The following SBF2 variants were observed in gnomAD, a reference collection of about 807,000 sequenced individuals.
SBF2 encodes the protein myotubularin-related protein 13.
SBF2 carries 112 observed loss-of-function variants against 225.2 expected under a neutral mutation model. That is an observed-to-expected ratio of 0.50 (90% confidence interval 0.43 to 0.58). SBF2 has a LOEUF of 0.58. Among genes scored for constraint, SBF2 ranks in the 20% least tolerant of loss-of-function variants. The pLI is 0.00. For synonymous variants in SBF2, 763 were observed against 773.3 expected (o/e 0.99, Z 0.22); for missense variants, 1,996 against 2,206.2 (o/e 0.90, Z 1.91).
At chr11:10,039,050 A>C (rs73410839) in intron 3 of SBF2, among the ~76,000 whole-genome samples, 1,637 of 151,994 alleles carry the variant, frequency 0.011, 32 homozygotes, top group African/African-American at 0.037. Context: ...AGTTTTGCTT[A>C]TGATTACTGA....
At chr11:10,052,438 G>A (rs76140751) in intron 2 of SBF2, among the ~76,000 whole-genome samples, 2,957 of 152,284 alleles carry the variant, frequency 0.019, 95 homozygotes, top group African/African-American at 0.067. Flanking sequence ...AACAGGCAAT[G>A]TGGGAATCCT....
At chr11:10,169,117 T>C (rs1404024388) in intron 2 of SBF2, among the ~76,000 whole-genome samples, 1 of 152,220 alleles carries the variant, frequency 6.6e-6, no homozygotes, top group African/African-American at 2.4e-5. Flanking sequence ...GATATGCATA[T>C]AATGCATAAT....
intron 16 of SBF2, among the ~76,000 whole-genome samples, chr11:9,932,542 A>G (rs917775456): frequency 1.3e-5 from 2 of 152,146 alleles, no homozygotes; most frequent in African/African-American, 2.4e-5. Context: ...AGCTTCATAA[A>G]TGAAGGAGAA....
At chr11:10,023,555 T>A (rs984811236) in intron 6 of SBF2, among the ~76,000 whole-genome samples, 1 of 152,184 alleles carries the variant, frequency 6.6e-6, no homozygotes, top group African/African-American at 2.4e-5. Context: ...GAGCCCCTTA[T>A]AATCACTAAT....
At chr11:10,290,037 T>C (rs929752216) in intron 1 of SBF2, among the ~76,000 whole-genome samples, 1 of 152,212 alleles carries the variant, frequency 6.6e-6, no homozygotes, top group Non-Finnish European at 1.5e-5. Context: ...TTCGCTGCCA[T>C]CAACATGACA....
intron 32 of SBF2, among the ~76,000 whole-genome samples, chr11:9,800,420 T>A (rs978821587): frequency 2.0e-5 from 3 of 152,038 alleles, no homozygotes; most frequent in Non-Finnish European, 2.9e-5. Flanking sequence ...TATTATTATT[T>A]TTTTGAGATG....
intron 21 of SBF2, among the ~76,000 whole-genome samples, chr11:9,850,817 T>C (rs1856869101): frequency 6.6e-6 from 1 of 152,184 alleles, no homozygotes. Flanking sequence ...AAAAATGACA[T>C]AGATCTATAT....
chr11:9,805,009 C>A (rs187874346), intron 32 of SBF2, among the ~76,000 whole-genome samples: 5 of 152,252 alleles, frequency 3.3e-5, no homozygotes, highest in Admixed American at 2.6e-4. Flanking sequence ...CTTTGGAAGG[C>A]CAAGGCAGAT....
intron 2 of SBF2, among the ~76,000 whole-genome samples, chr11:10,187,572 C>T (rs1956981496): frequency 6.6e-6 from 1 of 152,056 alleles, no homozygotes; most frequent in Admixed American, 6.6e-5. Context: ...TGCCTCTTCC[C>T]CCCAATGAGC....
intron 16 of SBF2, among the ~76,000 whole-genome samples, chr11:9,923,799 A>T (rs1863817746): frequency 6.6e-6 from 1 of 152,198 alleles, no homozygotes; most frequent in Non-Finnish European, 1.5e-5. Flanking sequence ...CCCGGCCCCA[A>T]ATGGCCACCT....
intron 28 of SBF2, chr11:9,819,434 A>T (rs911234381): frequency 3.7e-4 from 57 of 152,332 alleles, no homozygotes; most frequent in African/African-American, 1.3e-3. Flanking sequence ...AAATATAATA[A>T]AAGTAGAAGA....
chr11:9,979,865 G>T (rs190033096), intron 13 of SBF2, among the ~76,000 whole-genome samples: 1 of 147,948 alleles, frequency 6.8e-6, no homozygotes, highest in Non-Finnish European at 1.5e-5. Context: ...GCTGGAGTAC[G>T]GTGGCTCAAT....
chr11:9,834,064 C>T (rs1263462899), intron 26 of SBF2, among the ~76,000 whole-genome samples: 4 of 149,712 alleles, frequency 2.7e-5, no homozygotes, highest in Admixed American at 6.7e-5. Flanking sequence ...CCACTGCGCC[C>T]GGCCCATGGT....
intron 17 of SBF2, among the ~76,000 whole-genome samples, chr11:9,888,820 C>A (rs1373339593): frequency 6.6e-6 from 1 of 152,192 alleles, no homozygotes; most frequent in Non-Finnish European, 1.5e-5. Context: ...GAGTCCTGTT[C>A]TGACATTTAC....
intron 1 of SBF2, among the ~76,000 whole-genome samples, chr11:10,245,956 T>C (rs539255293): frequency 6.6e-6 from 1 of 152,298 alleles, no homozygotes; most frequent in South Asian, 2.1e-4. Flanking sequence ...AACAGTAGAA[T>C]GGTGGTTACC....
intron 2 of SBF2, among the ~76,000 whole-genome samples, chr11:10,158,171 T>C (rs1025056104): frequency 2.6e-5 from 4 of 152,030 alleles, no homozygotes; most frequent in African/African-American, 9.7e-5. Context: ...TCAAACCTTA[T>C]GGGATGCAGC....
Position 9,946,782 on chromosome 11 carries a change from T to A in SBF2, c.1860+15175A>T, listed in dbSNP as rs141376339. Among the ~76,000 whole-genome samples, 92 of 152,290 alleles carry A rather than the reference T, an allele frequency of 6.0e-4. 2 individuals are homozygous for A. The East Asian group carries it at 0.016, about 27-fold the overall frequency. On this transcript the variant is annotated intron_variant, in intron 16 of 39. Transcript: ENST00000256190. Reference sequence around the variant, plus strand: ...CTATTAACAAACACTTATATATGTATAACAAACACTTAATACAATTTGATA... The same window carrying A: ...CTATTAACAAACACTTATATATGTAAAACAAACACTTAATACAATTTGATA...
At chr11:10,300,457 G>A (rs1468683020) in intron 1 of SBF2, among the ~76,000 whole-genome samples, 1 of 151,984 alleles carries the variant, frequency 6.6e-6, no homozygotes, top group Admixed American at 6.6e-5. Flanking sequence ...CTTGAGATCA[G>A]GAGTTCAAGA....
intron 17 of SBF2, among the ~76,000 whole-genome samples, chr11:9,858,912 C>T (rs1172600084): frequency 1.3e-5 from 2 of 152,140 alleles, no homozygotes; most frequent in Non-Finnish European, 2.9e-5. Flanking sequence ...ACTGCTCATT[C>T]CAGCCCATTA....
Sources: gnomAD v4.1 joint callset for allele counts (sites outside exome capture counted in the v4.1 genomes callset) on GRCh38, gnomAD v4.1.1 for gene constraint, MANE v1.5 for transcripts, NCBI Gene and HGNC (gene_info 2026-07-23, HGNC 2026-07-21) for gene names.